The following IL6ST variants were observed in gnomAD, a reference collection of about 807,000 sequenced individuals.
IL6ST encodes interleukin 6 cytokine family signal transducer.
A neutral mutation model predicts 91.3 loss-of-function variants in IL6ST; 24 were observed. The observed-to-expected ratio is 0.26, with a 90% CI of 0.19 to 0.37. The LOEUF (loss-of-function observed/expected upper bound fraction) is 0.37. IL6ST is among the 10% of genes least tolerant of loss of function. IL6ST has a pLI of 1.00. For synonymous variants in IL6ST, 351 were observed against 373.6 expected (o/e 0.94, Z 0.70); for missense variants, 914 against 1,078.5 (o/e 0.85, Z 2.14).
chr5:55,988,023 T>C (rs1294146580), intron 1 of IL6ST, among the ~76,000 whole-genome samples: 1 of 150,514 alleles, frequency 6.6e-6, no homozygotes, highest in Non-Finnish European at 1.5e-5. Flanking sequence ...CCCAGCTACT[T>C]GGGAGGCTGA....
intron 8 of IL6ST, 88 bp downstream of exon 8, chr5:55,960,314 G>C: frequency 2.1e-6 from 2 of 973,474 alleles, no homozygotes; most frequent in Non-Finnish European, 3.1e-6. Flanking sequence ...CACAAACTAA[G>C]AAGCAATGAG....
rs775491037 is a variant in IL6ST at position 55,960,504 on chromosome 5, G to T, written c.871C>A (p.Pro291Thr). The T allele has an allele frequency of 2.5e-6, 4 of 1,613,974 alleles. No homozygotes were observed. In the South Asian group the frequency reaches 4.4e-5, roughly 18 times the overall value. The part of the protein sequence containing the change: ...RSSFTVQDLK[P>T]FTEYVFRIRC... ...ATCCTAAACACATATTCTGTAAAAGGTTTAAGGTCTTGGACAGTGAATGAA... is the reference window on the plus strand; with the variant it reads ...ATCCTAAACACATATTCTGTAAAAGTTTTAAGGTCTTGGACAGTGAATGAA... The change falls in exon 8 of 17, where the codon CCT becomes ACT. Residue 291 changes from proline (P) to threonine (T), a missense_variant. Pro to Thr is a conservative substitution (Grantham distance 38). Coordinates refer to ENST00000381298, the MANE Select transcript of IL6ST (RefSeq NM_002184.4).
intron 5 of IL6ST, 74 bp downstream of exon 5, chr5:55,968,202 T>C: frequency 8.2e-7 from 1 of 1,218,886 alleles, no homozygotes; most frequent in Non-Finnish European, 1.2e-6. Context: ...TATTATTACT[T>C]GGTAAAATAA....
Position 55,951,596 on chromosome 5 carries a change from C to G in IL6ST, c.1708G>C (p.Val570Leu), listed in dbSNP as rs769554412. The G allele has an allele frequency of 6.2e-7, 1 of 1,608,622 alleles. No homozygotes were observed. Among genetic ancestry groups the G allele is most frequent in the Admixed American group, 1.7e-5 (1 of 58,558 alleles). Reference protein sequence around the residue: ...TIIGNETAVNVDSSHTEYTLS... With the variant: ...TIIGNETAVNLDSSHTEYTLS... Reference sequence around the variant, plus strand: ...GTATATTCTGTGTGGGAAGAATCCACATTCACAGCTGGAAGAAATAAGAAC... The same window carrying G: ...GTATATTCTGTGTGGGAAGAATCCAGATTCACAGCTGGAAGAAATAAGAAC... Residue 570 changes from valine (V) to leucine (L), a missense_variant, in exon 14 of 17, where the codon GTG (valine) becomes CTG (leucine). Val to Leu is a conservative substitution (Grantham distance 32). Coordinates refer to ENST00000381298, the MANE Select transcript of IL6ST (RefSeq NM_002184.4).
At chr5:55,970,424 G>A (rs768956615) in intron 3 of IL6ST, among the ~76,000 whole-genome samples, 7 of 152,162 alleles carry the variant, frequency 4.6e-5, no homozygotes, top group Non-Finnish European at 7.4e-5. Flanking sequence ...GATGGTTTGC[G>A]TCTATAATCT....
chr5:55,971,056 T>C (rs1363435999), intron 3 of IL6ST, among the ~76,000 whole-genome samples: 1 of 152,232 alleles, frequency 6.6e-6, no homozygotes. Context: ...ATGCTTTCAA[T>C]AGCCCATTAG....
rs1004333511 is a variant in IL6ST at position 55,975,369 on chromosome 5, C to G, written c.64+846G>C. Among the ~76,000 whole-genome samples the G allele has an allele frequency of 3.3e-5, 5 of 152,244 alleles. No individual in the cohort carries two copies. In the East Asian group the frequency reaches 9.7e-4, roughly 29 times the overall value. On this transcript the variant is annotated intron_variant, in intron 3 of 16. Transcript: ENST00000381298. ...TCGCTATGTGAGATGCCTCACTCCC[C>G]CTTTGTCTTCTGCCATGACTGGAAA...
chr5:55,976,827 C>CACTCAAAATGAGAGATATA (rs1301055425), intron 2 of IL6ST, among the ~76,000 whole-genome samples: 1 of 152,156 alleles, frequency 6.6e-6, no homozygotes, highest in African/African-American at 2.4e-5. Flanking sequence ...CTTTCAACCT[C>CACTCAAAATGAGAGATATA]ACTCAAAATG....
chr5:55,943,047 C>A (rs1751015609), intron 15 of IL6ST, among the ~76,000 whole-genome samples: 1 of 152,042 alleles, frequency 6.6e-6, no homozygotes, highest in Non-Finnish European at 1.5e-5. Flanking sequence ...CACTTAAAAT[C>A]TTTACCCAGG....
In IL6ST at chr5:55,951,728, A is replaced by T. The variant is rs546645580; in HGVS notation, c.1700-124T>A. The T allele has an allele frequency of 1.0e-4, 98 of 946,526 alleles. No homozygotes were observed. The East Asian group carries it at 2.0e-3, about 20-fold the overall frequency. The allele number at this position is 946,526 out of a possible 1,614,324, so 58.6% of individuals were successfully genotyped here. On this transcript the variant is annotated intron_variant, in intron 13 of 16. Coordinates refer to ENST00000381298, the MANE Select transcript of IL6ST (RefSeq NM_002184.4). ...ATTTTTGTTGGAAAACAACTTTTAT[A>T]ATGTTCTGACATAATTTTATGTTCT... is the stretch of plus-strand genomic sequence containing the variant.
chr5:55,988,426 T>C (rs1361286741), intron 1 of IL6ST, among the ~76,000 whole-genome samples: 2 of 152,126 alleles, frequency 1.3e-5, no homozygotes, highest in Non-Finnish European at 2.9e-5. Flanking sequence ...CAAAAAATAA[T>C]AGGACTATTT....
chr5:55,963,218 A>C lies in IL6ST; in HGVS notation c.813+134T>G. ...CCTGATTCCCCTTGTTTGAAATAAC[A>C]ACCCAGAAGAGGTTATCAAGCAAAA... On this transcript the variant is annotated intron_variant, in intron 7 of 16. Coordinates refer to ENST00000381298, the MANE Select transcript of IL6ST (RefSeq NM_002184.4). 8 of 585,766 alleles carry C rather than the reference A, an allele frequency of 1.4e-5. No homozygotes were observed. In the South Asian group the frequency reaches 2.1e-4, roughly 15 times the overall value. The allele number at this position is 585,766 out of a possible 1,614,324, so 36.3% of individuals were successfully genotyped here.
At position 55,976,218 on chromosome 5, in the gene IL6ST, T is replaced by C. The variant is rs893553728; in HGVS notation, c.61A>G (p.Thr21Ala). 6.4e-7 allele frequency: 1 copy of C among 1,559,382 alleles called. No homozygotes were observed. The highest frequency in any genetic ancestry group is 1.8e-5 in the Admixed American group (1 of 56,082). Reference sequence around the variant, plus strand: ...TAGGGTATTTCATGAACCTTACCTGTAGATTCAGTGGTGAGGAAAATAAAC... The same window carrying C: ...TAGGGTATTTCATGAACCTTACCTGCAGATTCAGTGGTGAGGAAAATAAAC... Reference protein sequence around the residue: ...ALFIFLTTESTGELLDPCGYI... With the variant: ...ALFIFLTTESAGELLDPCGYI... The change falls in exon 3 of 17, where the codon ACA becomes GCA. Residue 21 changes from threonine to alanine, a missense_variant. Transcript: ENST00000381298.
At chr5:55,974,194 G>A (rs1294086764) in intron 3 of IL6ST, among the ~76,000 whole-genome samples, 3 of 152,094 alleles carry the variant, frequency 2.0e-5, no homozygotes, top group African/African-American at 7.2e-5. Flanking sequence ...GGTATATTAC[G>A]TTTATTTTTT....
Position 55,967,670 on chromosome 5 carries a change from G to A in IL6ST, c.491+606C>T, listed in dbSNP as rs533454678. Among the ~76,000 whole-genome samples the A allele has an allele frequency of 5.7e-4, 87 of 152,096 alleles. 1 individual carries two copies. The South Asian group carries it at 0.013, about 23-fold the overall frequency. On this transcript the variant is annotated intron_variant, in intron 5 of 16. Transcript: ENST00000381298. ...TCTTTGGATGAAATATGATGCCCGC[G>A]ATTCTCTCTTCAAGACAATATAGGC...
At chr5:55,951,104 C>T (rs1282579929) in intron 14 of IL6ST, among the ~76,000 whole-genome samples, 3 of 151,714 alleles carry the variant, frequency 2.0e-5, no homozygotes, top group South Asian at 2.1e-4. Context: ...GTGGGAGGTA[C>T]GGAAGTGAAG....
chr5:55,955,054 T>C, intron 10 of IL6ST, 62 bp from the exon 11 acceptor site: 1 of 1,154,492 alleles, frequency 8.7e-7, no homozygotes, highest in Admixed American at 2.2e-5. Context: ...TTTCCATATT[T>C]TACAGTCATT....
At position 55,938,212 on chromosome 5, in the gene IL6ST, G is replaced by A. The variant is rs1750656201; in HGVS notation, c.*2870C>T. On this transcript the variant is annotated 3_prime_UTR_variant, in exon 17 of 17. Coordinates refer to ENST00000381298, the MANE Select transcript of IL6ST (RefSeq NM_002184.4). Reference sequence around the variant, plus strand: ...GTAAAATCCCTTATCAAGGAATAAGGCTGAAATTTAAATGAACAATTAGGT... The same window carrying A: ...GTAAAATCCCTTATCAAGGAATAAGACTGAAATTTAAATGAACAATTAGGT... 1 of 192,496 alleles carries A rather than the reference G, an allele frequency of 5.2e-6. No homozygotes were observed. Among genetic ancestry groups the A allele is most frequent in the East Asian group, 8.2e-5 (1 of 12,176 alleles). The allele number at this position is 192,496 out of a possible 1,614,324, so 11.9% of individuals were successfully genotyped here.
At chr5:55,988,572 G>A (rs1754125384) in intron 1 of IL6ST, among the ~76,000 whole-genome samples, 1 of 152,026 alleles carries the variant, frequency 6.6e-6, no homozygotes, top group South Asian at 2.1e-4. Flanking sequence ...TTCGAGACCA[G>A]CCTGACCAAC....
Sources: allele counts gnomAD v4.1 joint callset (sites outside exome capture counted in the v4.1 genomes callset), GRCh38; gene constraint gnomAD v4.1.1; transcripts MANE v1.5; gene names NCBI Gene and HGNC (gene_info 2026-07-23, HGNC 2026-07-21).